The following CCDC181 variants were observed in gnomAD, a reference collection of about 807,000 sequenced individuals.
The protein encoded by CCDC181 is coiled-coil domain-containing protein 181.
CCDC181 carries 35 observed loss-of-function variants against 58.7 expected under a neutral mutation model. That is an observed-to-expected ratio of 0.60 (90% CI 0.46 to 0.79). CCDC181 has a LOEUF of 0.79. Among genes scored for constraint, CCDC181 ranks in the 30% least tolerant of loss-of-function variants. The pLI is 0.00. For synonymous variants in CCDC181, 183 were observed against 197.5 expected, an observed-to-expected ratio of 0.93 and a Z score of 0.62; for missense variants, 517 against 583.9, an observed-to-expected ratio of 0.89 and a Z score of 1.18.
Position 169,395,065 on chromosome 1 carries a change from A to T in CCDC181, c.1512T>A (p.Phe504Leu). ...LYMSEAKPFR[F>L]TDHYN ...GAAACTTTCAGTTATAATGATCAGT[A>T]AAACGAAAAGGTTTGGCTTCTGACA... Residue 504 changes from phenylalanine (F) to leucine (L), a missense_variant, in exon 6 of 6, where the codon TTT becomes TTA. Transcript: ENST00000367806. 6.3e-7 allele frequency: 1 copy of T among 1,597,480 alleles called. No individual in the cohort carries two copies. Among genetic ancestry groups the T allele is most frequent in the African/African-American group, 1.4e-5 (1 of 73,924 alleles).
intron 2 of CCDC181, among the ~76,000 whole-genome samples, chr1:169,432,804 T>TA (rs1179410430): frequency 6.6e-6 from 1 of 152,024 alleles, no homozygotes; most frequent in Non-Finnish European, 1.5e-5. Context: ...TCTTTCATGA[T>TA]AAAAAACAAA....
At chr1:169,437,108 C>T (rs1196065401) in intron 2 of CCDC181, among the ~76,000 whole-genome samples, 1 of 151,936 alleles carries the variant, frequency 6.6e-6, no homozygotes, top group Non-Finnish European at 1.5e-5. Flanking sequence ...AGCCAGTGAG[C>T]CAGGAATGCT....
intron 4 of CCDC181, among the ~76,000 whole-genome samples, chr1:169,398,263 C>T (rs560346921): frequency 6.6e-6 from 1 of 152,090 alleles, no homozygotes; most frequent in Non-Finnish European, 1.5e-5. Context: ...TTAACAATAC[C>T]GTATATTTCA....
intron 2 of CCDC181, among the ~76,000 whole-genome samples, chr1:169,447,846 G>A (rs937027965): frequency 6.6e-6 from 1 of 152,102 alleles, no homozygotes; most frequent in Admixed American, 6.6e-5. Flanking sequence ...TGTTAGCATA[G>A]TATATCTTTT....
intron 2 of CCDC181, among the ~76,000 whole-genome samples, chr1:169,443,835 G>A (rs1324399241): frequency 1.3e-5 from 2 of 152,088 alleles, no homozygotes; most frequent in African/African-American, 4.8e-5. Context: ...CATACACAAG[G>A]AAAATGCTCT....
intron 4 of CCDC181, among the ~76,000 whole-genome samples, chr1:169,402,174 G>A (rs539859244): frequency 1.2e-4 from 18 of 152,256 alleles, no homozygotes; most frequent in South Asian, 2.1e-4. Flanking sequence ...CCAAATCTAC[G>A]TCTGATTGGT....
rs762397485 is a variant in CCDC181 at position 169,421,683 on chromosome 1, T to C, written c.748A>G (p.Asn250Asp). The C allele has an allele frequency of 6.2e-7, 1 of 1,614,068 alleles. No homozygotes were observed. Among genetic ancestry groups the C allele is most frequent in the Non-Finnish European group, 8.5e-7 (1 of 1,180,016 alleles). ...PPINNANSTE[N>D]DPQQLLPRSS... ...CTGGGTAACAACTGCTGAGGGTCAT[T>C]TTCTGTACTATTTGCATTATTAATG... Residue 250 changes from asparagine (N) to aspartate (D), a missense_variant, in exon 3 of 6, where the codon AAT becomes GAT. Coordinates refer to ENST00000367806, the MANE Select transcript of CCDC181 (RefSeq NM_001300969.2).
At chr1:169,437,882 T>C (rs1431486213) in intron 2 of CCDC181, among the ~76,000 whole-genome samples, 2 of 152,236 alleles carry the variant, frequency 1.3e-5, no homozygotes, top group Non-Finnish European at 2.9e-5. Flanking sequence ...ATTTGCAAGA[T>C]AATGTTTAGG....
At chr1:169,398,808 CTGAT>C (rs1398130029) in intron 4 of CCDC181, among the ~76,000 whole-genome samples, 3 of 152,120 alleles carry the variant, frequency 2.0e-5, no homozygotes, top group Non-Finnish European at 2.9e-5. Flanking sequence ...AAGTGACTGA[CTGAT>C]TGATTGACTG....
At chr1:169,451,488 G>T (rs986843479) in intron 2 of CCDC181, among the ~76,000 whole-genome samples, 1 of 152,102 alleles carries the variant, frequency 6.6e-6, no homozygotes, top group African/African-American at 2.4e-5. Flanking sequence ...TTTTATGCCT[G>T]TCTTTATCTG....
intron 4 of CCDC181, among the ~76,000 whole-genome samples, chr1:169,403,066 A>G (rs1300953973): frequency 6.6e-6 from 1 of 152,076 alleles, no homozygotes; most frequent in East Asian, 1.9e-4. Context: ...GATACAAAAA[A>G]GGCCATTATA....
chr1:169,427,381 CCCCGGCA>C lies in CCDC181; in HGVS notation c.-124_-118del, dbSNP rs1231385247. On this transcript the variant is annotated 5_prime_UTR_variant, in exon 1 of 6. It removes the in-frame stop codon of an upstream open reading frame in the 5' UTR. Transcript: ENST00000367806. ...GCTCTTCACATTGAGGCAAAGGAGA[CCCCGGCA>C]CCTGCCTCCGCGGCAGCCAGGACCA... The C allele has an allele frequency of 6.6e-6, 1 of 152,310 alleles. No individual in the cohort carries two copies. Among genetic ancestry groups the C allele is most frequent in the African/African-American group, 2.4e-5 (1 of 41,452 alleles). The allele number at this position is 152,310 out of a possible 1,614,324, so 9.4% of individuals were successfully genotyped here.
intron 2 of CCDC181, among the ~76,000 whole-genome samples, chr1:169,445,273 C>A (rs191765767): frequency 6.6e-6 from 1 of 152,220 alleles, no homozygotes; most frequent in Non-Finnish European, 1.5e-5. Context: ...TTAGGTGTAG[C>A]GTTTTTGTAG....
intron 2 of CCDC181, among the ~76,000 whole-genome samples, chr1:169,458,739 C>T (rs1329827171): frequency 6.6e-6 from 1 of 151,986 alleles, no homozygotes; most frequent in Non-Finnish European, 1.5e-5. Flanking sequence ...TCTTATAATT[C>T]CAATATCTGA....
intron 2 of CCDC181, chr1:169,454,292 T>C (rs368640997): frequency 6.6e-6 from 1 of 152,048 alleles, no homozygotes; most frequent in Non-Finnish European, 1.5e-5. Context: ...GGAATAAAAA[T>C]ACTCCTACTC....
At chr1:169,430,529 A>T, upstream of CCDC181, among the ~76,000 whole-genome samples, 1 of 152,186 alleles carries the variant, frequency 6.6e-6, no homozygotes, top group East Asian at 1.9e-4. Flanking sequence ...GTATATTCCT[A>T]AGTATTTTAT....
At chr1:169,414,672 A>G (rs1477290183) in intron 4 of CCDC181, among the ~76,000 whole-genome samples, 2 of 152,208 alleles carry the variant, frequency 1.3e-5, no homozygotes, top group African/African-American at 2.4e-5. Flanking sequence ...GGCAATAAAA[A>G]TTACATCACC....
chr1:169,421,224 C>T (rs1656438460), intron 3 of CCDC181, 139 bp downstream of exon 3: 1 of 672,564 alleles, frequency 1.5e-6, no homozygotes, highest in Non-Finnish European at 2.5e-6. Context: ...ATTCTTAACA[C>T]TTAATCAATC....
intron 4 of CCDC181, among the ~76,000 whole-genome samples, chr1:169,405,018 GACAA>G (rs1490372471): frequency 6.6e-6 from 1 of 152,094 alleles, no homozygotes; most frequent in South Asian, 2.1e-4. Flanking sequence ...ACCAATAACA[GACAA>G]ACAGAGAGCC....
Sources: gnomAD v4.1 joint callset for allele counts (sites outside exome capture counted in the v4.1 genomes callset) on GRCh38, gnomAD v4.1.1 for gene constraint, MANE v1.5 for transcripts, NCBI Gene and HGNC (gene_info 2026-07-23, HGNC 2026-07-21) for gene names.